CCSER1: variants seen among roughly 807,000 people sequenced by gnomAD.
CCSER1 encodes serine-rich coiled-coil domain-containing protein 1.
Under a neutral mutation model 82.0 loss-of-function variants are expected in CCSER1, and 41 were observed. That is an observed-to-expected ratio of 0.50 (90% CI 0.39 to 0.65). CCSER1 has a LOEUF of 0.65. Ranked by LOEUF, CCSER1 falls within the 30% of genes least tolerant of loss-of-function variation. The pLI, the probability that CCSER1 is intolerant of heterozygous loss-of-function variation, is 0.00. For missense variants in CCSER1, 1,119 were observed against 1,064.2 expected, an observed-to-expected ratio of 1.05 and a Z score of -0.72; for synonymous variants, 414 against 383.9, an observed-to-expected ratio of 1.08 and a Z score of -0.92.
chr4:90,956,568 C>T (rs1050269858), intron 9 of CCSER1, among the ~76,000 whole-genome samples: 2 of 152,002 alleles, frequency 1.3e-5, no homozygotes, highest in African/African-American at 4.8e-5. Context: ...ACTTCTGTTT[C>T]CTGGAAAGAT....
chr4:90,922,783 A>AT (rs1161559237), intron 8 of CCSER1, among the ~76,000 whole-genome samples: 1 of 152,138 alleles, frequency 6.6e-6, no homozygotes, highest in Admixed American at 6.6e-5. Context: ...GCACAGTCAG[A>AT]TTAGTTTACT....
chr4:91,153,610 T>C (rs1033634567), intron 10 of CCSER1, among the ~76,000 whole-genome samples: 2 of 151,950 alleles, frequency 1.3e-5, no homozygotes, highest in Non-Finnish European at 2.9e-5. Context: ...TTTCAGCTTT[T>C]TTGCTCTGGT....
intron 10 of CCSER1, among the ~76,000 whole-genome samples, chr4:91,238,318 T>C (rs970047023): frequency 1.3e-5 from 2 of 152,150 alleles, no homozygotes; most frequent in Non-Finnish European, 2.9e-5. Context: ...AGAGCAGTTC[T>C]GGGACAATAG....
intron 4 of CCSER1, among the ~76,000 whole-genome samples, chr4:90,444,517 G>A (rs1006736103): frequency 6.6e-6 from 1 of 151,892 alleles, no homozygotes; most frequent in Non-Finnish European, 1.5e-5. Flanking sequence ...AGCGTATTTA[G>A]CATCCAGTAT....
chr4:90,223,370 T>C (rs1421235306), intron 1 of CCSER1, among the ~76,000 whole-genome samples: 3 of 152,232 alleles, frequency 2.0e-5, no homozygotes, highest in African/African-American at 7.2e-5. Flanking sequence ...CATTTTAGCA[T>C]TTATGGAAAT....
At position 90,822,703 on chromosome 4, in the gene CCSER1, GGGGGACA is replaced by G. The variant is rs1381878096; in HGVS notation, c.2094+6860_2094+6866del. 2.1e-5 allele frequency among the ~76,000 whole-genome samples: 3 copies of G among 144,340 alleles called. No individual in the cohort carries two copies. The East Asian group carries it at 6.2e-4, about 30-fold the overall frequency. 94.7% of individuals were successfully genotyped at this position (144,340 alleles called of 152,430 possible). ...ATAACGTGCCATTGCACTCCAGCCT[GGGGGACA>G]GAGTGAGACTCCATCTCAAAAAAAA... On this transcript the variant is annotated intron_variant, in intron 8 of 10. Transcript: ENST00000509176.
intron 1 of CCSER1, among the ~76,000 whole-genome samples, chr4:90,283,234 A>T (rs115122277): frequency 6.6e-6 from 1 of 151,968 alleles, no homozygotes; most frequent in South Asian, 2.1e-4. Flanking sequence ...CCCCGATCCC[A>T]TGCACCATTT....
chr4:91,079,863 C>T (rs986729014), intron 9 of CCSER1, among the ~76,000 whole-genome samples: 1 of 152,094 alleles, frequency 6.6e-6, no homozygotes, highest in African/African-American at 2.4e-5. Flanking sequence ...ACAAAAAGAG[C>T]TAACTATTCT....
At chr4:90,997,260 C>T (rs1737578216) in intron 9 of CCSER1, among the ~76,000 whole-genome samples, 1 of 152,074 alleles carries the variant, frequency 6.6e-6, no homozygotes, top group Non-Finnish European at 1.5e-5. Flanking sequence ...CACCATCCTT[C>T]ATCTTCAAAG....
chr4:90,718,295 C>CT (rs1484802021), intron 6 of CCSER1, among the ~76,000 whole-genome samples: 2 of 152,036 alleles, frequency 1.3e-5, no homozygotes, highest in African/African-American at 4.8e-5. Flanking sequence ...ACACTTAAAT[C>CT]TTTTTGTGTA....
intron 1 of CCSER1, among the ~76,000 whole-genome samples, chr4:90,143,477 A>T (rs1375072570): frequency 8.5e-6 from 1 of 117,544 alleles, no homozygotes; most frequent in Non-Finnish European, 1.9e-5. Flanking sequence ...TCTGTTTCCT[A>T]GCAAGTACAC....
At chr4:91,079,039 C>G (rs370130057) in intron 9 of CCSER1, among the ~76,000 whole-genome samples, 1 of 152,114 alleles carries the variant, frequency 6.6e-6, no homozygotes, top group Non-Finnish European at 1.5e-5. Flanking sequence ...CCCAACATAG[C>G]GAGGCAGGCC....
intron 9 of CCSER1, among the ~76,000 whole-genome samples, chr4:90,966,857 T>C (rs1369022499): frequency 9.2e-5 from 14 of 152,058 alleles, no homozygotes; most frequent in Non-Finnish European, 4.4e-5. Flanking sequence ...ACAATTCCTA[T>C]CAAAATCCCA....
chr4:91,378,813 A>G (rs1750643697), intron 10 of CCSER1, among the ~76,000 whole-genome samples: 1 of 152,166 alleles, frequency 6.6e-6, no homozygotes, highest in African/African-American at 2.4e-5. Flanking sequence ...AAGAGAGGGC[A>G]TCCCTGTTTT....
chr4:91,335,699 T>C (rs1368388960), intron 10 of CCSER1, among the ~76,000 whole-genome samples: 1 of 152,026 alleles, frequency 6.6e-6, no homozygotes, highest in Non-Finnish European at 1.5e-5. Flanking sequence ...AGGGAAATAT[T>C]TCAGGTGAAG....
rs1194152806 is a variant in CCSER1 at position 90,271,856 on chromosome 4, ATATATATTTTTTTTTTTTTTT to A, written c.-41-36386_-41-36366del. 7.6e-3 allele frequency among the ~76,000 whole-genome samples: 199 copies of A among 26,088 alleles called. 6 individuals are homozygous for A. Among genetic ancestry groups the A allele is most frequent in the African/African-American group, 0.059 (188 of 3,206 alleles). The allele number at this position is 26,088 out of a possible 152,430, so 17.1% of individuals were successfully genotyped here. Reference sequence around the variant, plus strand: ...TATATATATATATATATATATATATATATATATTTTTTTTTTTTTTTTTTTTTTTTTTTTAAAAGGAGGTTT... The same window carrying A: ...TATATATATATATATATATATATATATTTTTTTTTTTTTAAAAGGAGGTTT... On this transcript the variant is annotated intron_variant, in intron 1 of 10. Coordinates refer to ENST00000509176, the MANE Select transcript of CCSER1 (RefSeq NM_001145065.2).
intron 4 of CCSER1, among the ~76,000 whole-genome samples, chr4:90,462,597 A>G (rs1560555962): frequency 1.3e-5 from 2 of 152,128 alleles, no homozygotes; most frequent in Admixed American, 6.5e-5. Context: ...TCAGCCAGGT[A>G]TGGTGGTGTA....
At chr4:91,055,513 T>C (rs1450226430) in intron 9 of CCSER1, among the ~76,000 whole-genome samples, 1 of 152,186 alleles carries the variant, frequency 6.6e-6, no homozygotes, top group African/African-American at 2.4e-5. Flanking sequence ...GATCTCCAAA[T>C]AAGCTTATTG....
chr4:90,409,362 G>A (rs1754298640), intron 4 of CCSER1, among the ~76,000 whole-genome samples: 1 of 152,196 alleles, frequency 6.6e-6, no homozygotes, highest in Non-Finnish European at 1.5e-5. Flanking sequence ...AGGAAAAAAT[G>A]TTAAGGGCAG....
Sources: gnomAD v4.1 joint callset for allele counts (sites outside exome capture counted in the v4.1 genomes callset) on GRCh38, gnomAD v4.1.1 for gene constraint, MANE v1.5 for transcripts, NCBI Gene and HGNC (gene_info 2026-07-23, HGNC 2026-07-21) for gene names.